FRAS1: variants seen among roughly 807,000 people sequenced by gnomAD.
FRAS1 encodes the protein extracellular matrix organizing protein FRAS1.
FRAS1 carries 290 observed loss-of-function variants against 435.2 expected under a neutral mutation model. The observed-to-expected ratio is 0.67, with a 90% CI of 0.61 to 0.73. The LOEUF (loss-of-function observed/expected upper bound fraction) is 0.73. FRAS1 is among the 30% of genes least tolerant of loss of function. The probability of loss-of-function intolerance (pLI) is 0.00; values close to 1 mark genes in which losing one functional copy is unlikely to be tolerated. For missense variants in FRAS1, 4,860 were observed against 5,001.5 expected, an observed-to-expected ratio of 0.97 and a Z score of 0.85; for synonymous variants, 1,800 against 1,851.0, an observed-to-expected ratio of 0.97 and a Z score of 0.71.
At position 78,441,232 on chromosome 4, in the gene FRAS1, A is replaced by G. The variant is rs775349439; in HGVS notation, c.5600A>G (p.Gln1867Arg). 3.1e-6 allele frequency: 5 copies of G among 1,613,248 alleles called. No individual in the cohort carries two copies. Among genetic ancestry groups the G allele is most frequent in the Non-Finnish European group, 4.2e-6 (5 of 1,179,384 alleles). The change falls in exon 41 of 74, where the codon CAG becomes CGG. Residue 1867 changes from glutamine (Q) to arginine (R), a missense_variant. Physicochemically the swap from Gln to Arg is conservative, Grantham distance 43. Transcript: ENST00000512123. Reference protein sequence around the residue: ...FFATDDDDNLQRDAIIKLSAL... With the variant: ...FFATDDDDNLRRDAIIKLSAL... ...GCTACTGATGATGATGACAACCTCC[A>G]GAGAGATGCCATCATTAAACTAAGT...
At chr4:78,181,723 T>C in intron 2 of FRAS1, 1 of 1,609,946 alleles carries the variant, frequency 6.2e-7, no homozygotes, top group Non-Finnish European at 8.5e-7. Context: ...TTCTTCCAAC[T>C]CGTCTTATTC....
chr4:78,182,047 G>C (rs1010526428), intron 2 of FRAS1: 48 of 1,511,332 alleles, frequency 3.2e-5, no homozygotes, highest in Middle Eastern at 2.1e-4. Flanking sequence ...GCCCAGGCAT[G>C]ATGGTGGCTC....
Position 78,057,749 on chromosome 4 carries a change from T to G in FRAS1, c.-261T>G, listed in dbSNP as rs1051113596. 1.8e-6 allele frequency: 1 copy of G among 543,262 alleles called. No individual in the cohort carries two copies. 33.7% of individuals were successfully genotyped at this position (543,262 alleles called of 1,614,324 possible). On this transcript the variant is annotated 5_prime_UTR_variant, in exon 1 of 74. Coordinates refer to ENST00000512123, the MANE Select transcript of FRAS1 (RefSeq NM_025074.7). The surrounding 1 kb of genome is among the most constrained non-coding windows in gnomAD (Gnocchi z 4.2). Reference sequence around the variant, plus strand: ...CTGCCTCCTCTTATTCTCCCAAAGCTCACGTTGGCGTCCTGCCTTGCGGGG... The same window carrying G: ...CTGCCTCCTCTTATTCTCCCAAAGCGCACGTTGGCGTCCTGCCTTGCGGGG...
chr4:78,400,878 C>T lies in FRAS1; in HGVS notation c.4120C>T (p.Pro1374Ser), dbSNP rs775797816. The T allele has an allele frequency of 5.0e-6, 8 of 1,613,374 alleles. No homozygotes were observed. In the African/African-American group the frequency reaches 1.1e-4, roughly 22 times the overall value. The change falls in exon 30 of 74, where the codon CCC (proline) becomes TCC (serine). Residue 1374 changes from proline to serine, a missense_variant. Physicochemically the swap from Pro to Ser is moderately conservative, Grantham distance 74. Transcript: ENST00000512123. ...CATCTACAAGATTACACAAGACTAC[C>T]CCCAGTTTGGTAACTATTTTTTCCT... ...EIIYKITQDYPQFGEVVLLVN... is the reference protein window; with the variant it reads ...EIIYKITQDYSQFGEVVLLVN...
chr4:78,413,763 A>G (rs2110361209), intron 32 of FRAS1, among the ~76,000 whole-genome samples: 1 of 152,302 alleles, frequency 6.6e-6, no homozygotes, highest in East Asian at 1.9e-4. Context: ...CTATCACAGA[A>G]AGCCTCGTAT....
At chr4:78,467,010 A>G (rs1195988118) in intron 50 of FRAS1, among the ~76,000 whole-genome samples, 1 of 152,208 alleles carries the variant, frequency 6.6e-6, no homozygotes, top group Non-Finnish European at 1.5e-5. Flanking sequence ...ATATGGGCAT[A>G]CAATGTTTAA....
chr4:78,373,769 G>A (rs540940867), intron 24 of FRAS1, among the ~76,000 whole-genome samples: 88 of 151,046 alleles, frequency 5.8e-4, no homozygotes, highest in Non-Finnish European at 1.0e-3. Context: ...GCAAAACTCC[G>A]TCTTAAATAA....
intron 28 of FRAS1, among the ~76,000 whole-genome samples, chr4:78,385,883 TAAA>T (rs34277639): frequency 3.6e-5 from 4 of 111,840 alleles, no homozygotes; most frequent in Non-Finnish European, 1.9e-5. Flanking sequence ...AGACTCTGTC[TAAA>T]AAAAAAAAAA....
intron 9 of FRAS1, among the ~76,000 whole-genome samples, chr4:78,277,291 G>A (rs990771215): frequency 7.9e-5 from 12 of 152,050 alleles, no homozygotes; most frequent in Non-Finnish European, 1.3e-4. Context: ...GCCCTGCTTC[G>A]GCTCACACTC....
At chr4:78,304,697 G>A (rs1728610875) in intron 14 of FRAS1, among the ~76,000 whole-genome samples, 2 of 151,812 alleles carry the variant, frequency 1.3e-5, no homozygotes, top group South Asian at 4.2e-4. Context: ...TATTTCTGTG[G>A]GATAGGTGGT....
intron 9 of FRAS1, among the ~76,000 whole-genome samples, chr4:78,270,933 A>G (rs1157630458): frequency 6.6e-6 from 1 of 152,196 alleles, no homozygotes; most frequent in Non-Finnish European, 1.5e-5. Context: ...CTCCAAAATA[A>G]TTATAATCAT....
At chr4:78,503,549 C>T (rs949669484) in intron 61 of FRAS1, among the ~76,000 whole-genome samples, 5 of 152,068 alleles carry the variant, frequency 3.3e-5, no homozygotes, top group African/African-American at 1.2e-4. Flanking sequence ...TCTGTGGGAT[C>T]GGTGGTGAGA....
chr4:78,438,299 T>C (rs968017328), intron 38 of FRAS1, among the ~76,000 whole-genome samples: 1 of 152,192 alleles, frequency 6.6e-6, no homozygotes, highest in Non-Finnish European at 1.5e-5. Flanking sequence ...ACAGGGAATC[T>C]CTTTGTTTTA....
At chr4:78,068,471 A>G (rs1198252052) in intron 2 of FRAS1, 3 of 455,170 alleles carry the variant, frequency 6.6e-6, no homozygotes, top group Non-Finnish European at 1.3e-5. Context: ...CAGTGCATGG[A>G]GGATGGCAAG....
chr4:78,472,382 A>G (rs1719737130), intron 52 of FRAS1, 52 bp downstream of exon 52: 1 of 1,471,358 alleles, frequency 6.8e-7, no homozygotes, highest in Non-Finnish European at 9.1e-7. Flanking sequence ...CTAATGTCAC[A>G]CTGCCTATCT....
intron 20 of FRAS1, among the ~76,000 whole-genome samples, chr4:78,359,966 C>G (rs1469809744): frequency 6.6e-6 from 1 of 152,132 alleles, no homozygotes; most frequent in East Asian, 1.9e-4. Flanking sequence ...AGAGTCTCTC[C>G]AACTCTTCAG....
chr4:78,301,313 A>T (rs938659900), intron 14 of FRAS1, among the ~76,000 whole-genome samples: 1 of 152,200 alleles, frequency 6.6e-6, no homozygotes, highest in Non-Finnish European at 1.5e-5. Context: ...AATTCGAAAA[A>T]ATTCAGTTAT....
intron 30 of FRAS1, among the ~76,000 whole-genome samples, chr4:78,401,533 G>A (rs1732892181): frequency 1.3e-5 from 2 of 152,194 alleles, no homozygotes; most frequent in Non-Finnish European, 2.9e-5. Flanking sequence ...AAAAGGGGTT[G>A]TGAATGTCTC....
At chr4:78,142,911 T>C (rs1720255232) in intron 2 of FRAS1, among the ~76,000 whole-genome samples, 1 of 151,826 alleles carries the variant, frequency 6.6e-6, no homozygotes, top group African/African-American at 2.4e-5. Flanking sequence ...GAAAATAGAA[T>C]AATAAAAATT....
Sources: allele counts gnomAD v4.1 joint callset (sites outside exome capture counted in the v4.1 genomes callset), GRCh38; gene constraint gnomAD v4.1.1; non-coding constraint Gnocchi (gnomAD v3.1); transcripts MANE v1.5; gene names NCBI Gene and HGNC (gene_info 2026-07-23, HGNC 2026-07-21).